NALF1: variants seen among roughly 807,000 people sequenced by gnomAD.
NALF1 encodes family with sequence similarity 155 member A.
A neutral mutation model predicts 48.4 loss-of-function variants in NALF1; 3 were observed. That is an observed-to-expected ratio of 0.06 (90% CI 0.03 to 0.16). The LOEUF (loss-of-function observed/expected upper bound fraction) is 0.16, where lower values mean the gene tolerates loss of function less well. Among genes scored for constraint, NALF1 ranks in the 10% least tolerant of loss-of-function variants. The pLI is 1.00. For missense variants in NALF1, 526 were observed against 571.5 expected, an observed-to-expected ratio of 0.92 and a Z score of 0.81; for synonymous variants, 262 against 245.7, an observed-to-expected ratio of 1.07 and a Z score of -0.62.
intron 2 of NALF1, among the ~76,000 whole-genome samples, chr13:107,196,083 A>G (rs910161682): frequency 6.6e-6 from 1 of 152,202 alleles, no homozygotes; most frequent in African/African-American, 2.4e-5. Context: ...TCACGCTTAT[A>G]AGTGGGAGCT....
chr13:107,336,941 G>GC (rs916213065), intron 1 of NALF1, among the ~76,000 whole-genome samples: 3 of 147,112 alleles, frequency 2.0e-5, no homozygotes, highest in African/African-American at 5.1e-5. Context: ...GAAAAGAAAA[G>GC]CCCCCCCAAA....
chr13:107,544,887 T>C (rs1203386153), intron 1 of NALF1, among the ~76,000 whole-genome samples: 3 of 152,068 alleles, frequency 2.0e-5, no homozygotes, highest in Non-Finnish European at 4.4e-5. Context: ...GAGCTACAGG[T>C]GAACAGAATG....
At chr13:107,329,567 T>C (rs959105423) in intron 1 of NALF1, among the ~76,000 whole-genome samples, 2 of 151,940 alleles carry the variant, frequency 1.3e-5, no homozygotes, top group South Asian at 2.1e-4. Flanking sequence ...TTGTTACATA[T>C]GTATACATGT....
chr13:107,367,055 G>A (rs1480746374), intron 1 of NALF1, among the ~76,000 whole-genome samples: 1 of 152,170 alleles, frequency 6.6e-6, no homozygotes, highest in Non-Finnish European at 1.5e-5. Flanking sequence ...GGGACAACTA[G>A]TCCCTTGCAC....
chr13:107,383,590 AAAG>A (rs1457134124), intron 1 of NALF1, among the ~76,000 whole-genome samples: 2 of 152,224 alleles, frequency 1.3e-5, no homozygotes, highest in Non-Finnish European at 2.9e-5. Context: ...AAGAAAAAAA[AAAG>A]AAGTTATCTG....
At chr13:107,854,778 G>A (rs556200340) in intron 1 of NALF1, among the ~76,000 whole-genome samples, 35 of 151,422 alleles carry the variant, frequency 2.3e-4, no homozygotes, top group African/African-American at 8.3e-4. Flanking sequence ...GGAGGCTGAC[G>A]CAGGAGAATT....
chr13:107,651,038 A>G (rs1566430226), intron 1 of NALF1, among the ~76,000 whole-genome samples: 1 of 152,184 alleles, frequency 6.6e-6, no homozygotes, highest in South Asian at 2.1e-4. Context: ...GTGTTTACCT[A>G]TGTAACAAAC....
intron 1 of NALF1, among the ~76,000 whole-genome samples, chr13:107,854,435 C>T (rs1003594558): frequency 2.6e-5 from 4 of 152,236 alleles, no homozygotes; most frequent in Admixed American, 6.5e-5. Flanking sequence ...GTCTGCTGTT[C>T]ACTACGGCCG....
intron 1 of NALF1, among the ~76,000 whole-genome samples, chr13:107,799,165 C>T (rs3858805): frequency 0.77 from 117,538 of 152,094 alleles, 45,910 homozygotes; most frequent in Middle Eastern, 0.86. Flanking sequence ...AGGGAAGCCT[C>T]GAAAAAATGA....
chr13:107,291,779 T>C (rs1881626165), intron 1 of NALF1, among the ~76,000 whole-genome samples: 1 of 152,344 alleles, frequency 6.6e-6, no homozygotes, highest in South Asian at 2.1e-4. Flanking sequence ...AACAGTTTTA[T>C]GCTTTGAATG....
In NALF1 at chr13:107,623,446, GA is replaced by G. The variant is rs916920212; in HGVS notation, c.915+242235del. On this transcript the variant is annotated intron_variant, in intron 1 of 2. Transcript: ENST00000375915. ...GCTTGGAAACAGAGTAAAGAAATTA[GA>G]AAAAAAAAAAAATATTACTCCCCCT... 8.4e-3 allele frequency among the ~76,000 whole-genome samples: 1,059 copies of G among 125,776 alleles called. 14 individuals are homozygous for G. Among genetic ancestry groups the G allele is most frequent in the African/African-American group, 0.024 (878 of 36,484 alleles). 82.5% of individuals were successfully genotyped at this position (125,776 alleles called of 152,430 possible).
At chr13:107,541,361 C>T (rs748468207) in intron 1 of NALF1, among the ~76,000 whole-genome samples, 3 of 152,092 alleles carry the variant, frequency 2.0e-5, no homozygotes, top group African/African-American at 4.8e-5. Context: ...TGCAGAAGTA[C>T]CCCTTCTCTT....
chr13:107,443,167 A>ACAAT (rs368435398), intron 1 of NALF1, among the ~76,000 whole-genome samples: 1 of 138,274 alleles, frequency 7.2e-6, no homozygotes, highest in Non-Finnish European at 1.6e-5. Context: ...TATTTATCTA[A>ACAAT]CAATCTATCT....
rs1198003023 is a variant in NALF1 at position 107,163,649 on chromosome 13, CT to C, written c.*6847del. Reference sequence around the variant, plus strand: ...CACATTCTTAGTCTCTCATAATTAACTGGTTTTAGTACTTTTATTCCGTGTT... The same window carrying C: ...CACATTCTTAGTCTCTCATAATTAACGGTTTTAGTACTTTTATTCCGTGTT... On this transcript the variant is annotated 3_prime_UTR_variant, in exon 3 of 3. Transcript: ENST00000375915. 6.6e-6 allele frequency: 1 copy of C among 152,156 alleles called. No individual in the cohort carries two copies. The highest frequency in any genetic ancestry group is 2.4e-5 in the African/African-American group (1 of 41,438). 9.4% of individuals were successfully genotyped at this position (152,156 alleles called of 1,614,324 possible). A position where few individuals can be genotyped will look rare whatever the true frequency, so the allele number is the denominator to read the frequency against.
chr13:107,665,887 C>T (rs1880846126), intron 1 of NALF1, among the ~76,000 whole-genome samples: 1 of 152,118 alleles, frequency 6.6e-6, no homozygotes, highest in Admixed American at 6.6e-5. Context: ...CCATTTAGTC[C>T]ATATCTAAAG....
At chr13:107,614,322 C>T (rs917474005) in intron 1 of NALF1, among the ~76,000 whole-genome samples, 1 of 152,168 alleles carries the variant, frequency 6.6e-6, no homozygotes, top group Non-Finnish European at 1.5e-5. Context: ...TTTGTAAGTA[C>T]ATGTGTTCTT....
At chr13:107,802,090 A>G in intron 1 of NALF1, among the ~76,000 whole-genome samples, 1 of 152,316 alleles carries the variant, frequency 6.6e-6, no homozygotes, top group Middle Eastern at 3.4e-3. Context: ...TCCTATTAAC[A>G]AAAAGTTGCT....
chr13:107,347,459 G>GA (rs1004270367), intron 1 of NALF1, among the ~76,000 whole-genome samples: 9 of 152,078 alleles, frequency 5.9e-5, no homozygotes, highest in African/African-American at 1.4e-4. Context: ...TTTGAGTTAT[G>GA]AAAAAAGGTA....
At chr13:107,622,484 A>C (rs1316828087) in intron 1 of NALF1, among the ~76,000 whole-genome samples, 2 of 146,372 alleles carry the variant, frequency 1.4e-5, no homozygotes, top group African/African-American at 5.0e-5. Context: ...AAAAAAAAAA[A>C]CAGAGAGAAA....
Sources: allele counts gnomAD v4.1 joint callset (sites outside exome capture counted in the v4.1 genomes callset), GRCh38; gene constraint gnomAD v4.1.1; transcripts MANE v1.5; gene names NCBI Gene and HGNC (gene_info 2026-07-23, HGNC 2026-07-21).